The following CSPP1 variants were observed in gnomAD, a reference collection of about 807,000 sequenced individuals.
The protein encoded by CSPP1 is centrosome and spindle pole associated protein 1.
CSPP1 carries 126 observed loss-of-function variants against 164.4 expected under a neutral mutation model. The ratio of observed to expected loss-of-function variants is 0.77; its 90% CI spans 0.66 to 0.89. The LOEUF (loss-of-function observed/expected upper bound fraction) is 0.89, where lower values mean the gene tolerates loss of function less well. CSPP1 is among the 40% of genes least tolerant of loss of function. CSPP1 has a pLI of 0.00. For synonymous variants in CSPP1, 472 were observed against 476.7 expected (o/e 0.99, Z 0.13); for missense variants, 1,395 against 1,449.8 (o/e 0.96, Z 0.61).
At position 67,118,317 on chromosome 8, in the gene CSPP1, T is replaced by C; in HGVS notation, c.1566T>C (p.Asp522=). 6.2e-7 allele frequency: 1 copy of C among 1,613,608 alleles called. No individual in the cohort carries two copies. Among genetic ancestry groups the C allele is most frequent in the Non-Finnish European group, 8.5e-7 (1 of 1,179,550 alleles). The change falls in exon 14 of 31, where the codon GAT becomes GAC. Residue 522 remains aspartate (D), a synonymous_variant. Coordinates refer to ENST00000678616, the MANE Select transcript of CSPP1 (RefSeq NM_001382391.1). ...CTAACTATCGAACTCCTTATGATGA[T>C]GCATACTATTTTTATGGGTCCAGGA... The part of the protein sequence containing the change: ...LATNYRTPYD[D]AYYFYGSRNT...
intron 15 of CSPP1, among the ~76,000 whole-genome samples, chr8:67,119,837 T>C (rs542922304): frequency 6.6e-6 from 1 of 152,306 alleles, no homozygotes; most frequent in African/African-American, 2.4e-5. Context: ...CCATTCTGTC[T>C]TGATATTGCC....
In CSPP1 at chr8:67,125,708, G is replaced by A. The variant is rs1030745550; in HGVS notation, c.1698-6243G>A. Among the ~76,000 whole-genome samples the A allele has an allele frequency of 7.9e-5, 12 of 152,040 alleles. No homozygotes were observed. The East Asian group carries it at 2.3e-3, about 29-fold the overall frequency. The stretch of plus-strand genomic sequence containing the variant: ...CATTGATTGTTTCTTCTGCCTGCTC[G>A]AATGTGCTCTTGGCTCCCTTTTCTT... On this transcript the variant is annotated intron_variant, in intron 15 of 30. Transcript: ENST00000678616.
chr8:67,195,564 T>C lies in CSPP1; in HGVS notation c.3652T>C (p.Trp1218Arg), dbSNP rs1837772697. 5 of 1,614,178 alleles carry C rather than the reference T, an allele frequency of 3.1e-6. No individual in the cohort carries two copies. In the East Asian group the frequency reaches 8.9e-5, roughly 29 times the overall value. ...QIPGKPGTFT[W>R]QGLSTAHG The stretch of plus-strand genomic sequence containing the variant: ...TCCTGGAAAACCAGGCACTTTCACT[T>C]GGCAGGGCCTGTCGACTGCACATGG... Residue 1218 changes from tryptophan to arginine, a missense_variant, in exon 31 of 31, where the codon TGG becomes CGG. Coordinates refer to ENST00000678616, the MANE Select transcript of CSPP1 (RefSeq NM_001382391.1).
intron 3 of CSPP1, among the ~76,000 whole-genome samples, chr8:67,085,129 A>G (rs1810111599): frequency 6.6e-6 from 1 of 152,142 alleles, no homozygotes. Flanking sequence ...CCATTTACAG[A>G]GTTTCTGTTT....
chr8:67,161,574 TGACA>T (rs1330934320), intron 21 of CSPP1, among the ~76,000 whole-genome samples: 1 of 152,230 alleles, frequency 6.6e-6, no homozygotes, highest in Non-Finnish European at 1.5e-5. Flanking sequence ...AATCCTAATC[TGACA>T]GTCATACTGT....
intron 8 of CSPP1, 105 bp from the exon 9 acceptor site, chr8:67,105,800 C>A: frequency 1.5e-6 from 1 of 681,918 alleles, no homozygotes. Context: ...GTCCATAGTA[C>A]TTTGAAAGGC....
At chr8:67,190,228 G>A (rs1291094712) in intron 28 of CSPP1, among the ~76,000 whole-genome samples, 1 of 152,214 alleles carries the variant, frequency 6.6e-6, no homozygotes, top group Non-Finnish European at 1.5e-5. Flanking sequence ...ATATGATGGA[G>A]TATTATTCAG....
intron 19 of CSPP1, among the ~76,000 whole-genome samples, chr8:67,156,818 A>G (rs562219373): frequency 6.6e-6 from 1 of 152,216 alleles, no homozygotes; most frequent in Admixed American, 6.5e-5. Flanking sequence ...GACATTTTTA[A>G]CCACAGCTTT....
chr8:67,073,317 G>T (rs1807223286), intron 1 of CSPP1, among the ~76,000 whole-genome samples: 1 of 152,064 alleles, frequency 6.6e-6, no homozygotes, highest in Non-Finnish European at 1.5e-5. Context: ...AATATTTCTG[G>T]TGAGAATGCA....
intron 12 of CSPP1, 121 bp from the exon 13 acceptor site, chr8:67,115,793 T>A: frequency 1.6e-6 from 1 of 637,478 alleles, no homozygotes; most frequent in Non-Finnish European, 2.7e-6. Context: ...TTTATAGCTG[T>A]AAAATTCTGT....
intron 12 of CSPP1, chr8:67,115,367 T>G (rs1586221999): frequency 1.3e-5 from 2 of 152,450 alleles, no homozygotes; most frequent in Non-Finnish European, 2.9e-5. Context: ...AATTACCCAT[T>G]TATAAAATAA....
intron 28 of CSPP1, among the ~76,000 whole-genome samples, chr8:67,186,704 G>A (rs915117875): frequency 9.9e-5 from 15 of 152,102 alleles, no homozygotes; most frequent in Admixed American, 9.2e-4. Context: ...GGAAATAAAA[G>A]GTGTGATTGG....
intron 3 of CSPP1, among the ~76,000 whole-genome samples, chr8:67,082,494 A>T (rs1172195224): frequency 6.6e-6 from 1 of 152,208 alleles, no homozygotes; most frequent in Admixed American, 6.5e-5. Flanking sequence ...ATTTAAGAGT[A>T]CAGTGTCTCC....
At chr8:67,099,408 A>G (rs1042818125) in intron 7 of CSPP1, 2 of 152,074 alleles carry the variant, frequency 1.3e-5, no homozygotes, top group Admixed American at 1.3e-4. Flanking sequence ...TAGATAGATT[A>G]CTTTTGGGTC....
At chr8:67,174,630 T>G (rs1831174062) in intron 25 of CSPP1, 1 of 152,186 alleles carries the variant, frequency 6.6e-6, no homozygotes, top group Non-Finnish European at 1.5e-5. Context: ...CCGGGCATAG[T>G]GGTGGGTGCT....
intron 24 of CSPP1, among the ~76,000 whole-genome samples, chr8:67,167,462 G>C (rs1385705900): frequency 8.6e-4 from 131 of 152,154 alleles, no homozygotes; most frequent in Middle Eastern, 3.4e-3. Context: ...CTCCCGGATG[G>C]GGCGGCTGCT....
intron 3 of CSPP1, among the ~76,000 whole-genome samples, chr8:67,082,994 T>A (rs1191239452): frequency 6.6e-6 from 1 of 152,202 alleles, no homozygotes; most frequent in Non-Finnish European, 1.5e-5. Flanking sequence ...GAATAGGATA[T>A]TTACATTGTT....
intron 28 of CSPP1, among the ~76,000 whole-genome samples, chr8:67,187,216 T>G (rs1341595625): frequency 6.6e-6 from 1 of 152,184 alleles, no homozygotes; most frequent in Non-Finnish European, 1.5e-5. Flanking sequence ...AACAACAAAC[T>G]GATTCTAAAG....
chr8:67,072,161 C>T (rs1279362993), intron 1 of CSPP1, among the ~76,000 whole-genome samples: 2 of 152,010 alleles, frequency 1.3e-5, no homozygotes, highest in East Asian at 1.9e-4. Flanking sequence ...GGTGTGGTGG[C>T]GGGCGCCTGT....
Sources: allele counts gnomAD v4.1 joint callset (sites outside exome capture counted in the v4.1 genomes callset), GRCh38; gene constraint gnomAD v4.1.1; transcripts MANE v1.5; gene names NCBI Gene and HGNC (gene_info 2026-07-23, HGNC 2026-07-21).